The following CCDC124 variants were observed in gnomAD, a reference collection of about 807,000 sequenced individuals.
The protein encoded by CCDC124 is coiled-coil domain-containing protein 124.
A neutral mutation model predicts 19.8 loss-of-function variants in CCDC124; 9 were observed. That is an observed-to-expected ratio of 0.45 (90% CI 0.27 to 0.79). CCDC124 has a LOEUF of 0.79. Among genes scored for constraint, CCDC124 ranks in the 30% least tolerant of loss-of-function variants. The probability of loss-of-function intolerance (pLI) is 0.14; values close to 1 mark genes in which losing one functional copy is unlikely to be tolerated. For synonymous variants in CCDC124, 126 were observed against 131.3 expected, an observed-to-expected ratio of 0.96 and a Z score of 0.27; for missense variants, 285 against 319.0, an observed-to-expected ratio of 0.89 and a Z score of 0.81.
At position 17,943,530 on chromosome 19, in the gene CCDC124, C is replaced by G; in HGVS notation, c.487C>G (p.Arg163Gly). The change falls in exon 5 of 5, where the codon CGG (arginine) becomes GGG (glycine). Residue 163 changes from arginine to glycine, a missense_variant. Physicochemically the swap from Arg to Gly is moderately radical, Grantham distance 125 (BLOSUM62 -2). Coordinates refer to ENST00000445755, the MANE Select transcript of CCDC124 (RefSeq NM_001136203.2). ...CAGCGTGGCGGAGGAGGCGGCCGAC[C>G]GGCACCCAGAAAGACGCATGCGGGC... ...VLSVAEEAAD[R>G]HPERRMRAAF... 1 of 1,611,938 alleles carries G rather than the reference C, an allele frequency of 6.2e-7. No individual in the cohort carries two copies. The highest frequency in any genetic ancestry group is 8.5e-7 in the Non-Finnish European group (1 of 1,179,716).
At chr19:17,935,228 T>A (rs1398550200) in intron 1 of CCDC124, 6 of 152,054 alleles carry the variant, frequency 3.9e-5, no homozygotes, top group Non-Finnish European at 5.9e-5. Flanking sequence ...TCCATTGATA[T>A]GGACTGAAAT....
chr19:17,935,713 C>A (rs1251053039), intron 1 of CCDC124, among the ~76,000 whole-genome samples: 1 of 152,006 alleles, frequency 6.6e-6, no homozygotes, highest in Non-Finnish European at 1.5e-5. Context: ...TCCTGAGTAG[C>A]TGGGATTAAA....
At chr19:17,941,511 G>GA (rs991648717) in intron 2 of CCDC124, among the ~76,000 whole-genome samples, 239 of 125,058 alleles carry the variant, frequency 1.9e-3, no homozygotes, top group Admixed American at 3.2e-3. Context: ...GACTGTCTCA[G>GA]AAAAAAAAAA....
chr19:17,938,594 C>CT lies in CCDC124; in HGVS notation c.159+2023dup, dbSNP rs992377012. ...CATTCCCACCTGTTTTACCCGTCAT[C>CT]TTTTTTTTGTTTTTTTAAAGACGGT... On this transcript the variant is annotated intron_variant, in intron 2 of 4. Transcript: ENST00000445755. Among the ~76,000 whole-genome samples, 16 of 152,062 alleles carry CT rather than the reference C, an allele frequency of 1.1e-4. No homozygotes were observed. The East Asian group carries it at 1.2e-3, about 11-fold the overall frequency.
At chr19:17,935,621 G>T (rs751042453) in intron 1 of CCDC124, among the ~76,000 whole-genome samples, 1 of 151,914 alleles carries the variant, frequency 6.6e-6, no homozygotes, top group Non-Finnish European at 1.5e-5. Context: ...TCACTCTGCC[G>T]CCTAGGCTGG....
chr19:17,939,875 G>A (rs956143372), intron 2 of CCDC124, among the ~76,000 whole-genome samples: 3 of 150,600 alleles, frequency 2.0e-5, no homozygotes, highest in African/African-American at 4.9e-5. Flanking sequence ...CTTCCACCTC[G>A]GCCTCCCAAA....
chr19:17,942,874 A>G lies in CCDC124; in HGVS notation c.349+29A>G, dbSNP rs1268300525. On this transcript the variant is annotated intron_variant, in intron 3 of 4. Transcript: ENST00000445755. This position sits in a 1 kb window ranked among gnomAD's most constrained non-coding sequence, Gnocchi z 4.2. ...GGGCGGCATCCCGCTCTGGAGCTGCACTTTTGCCCACTGCAGAGGCAGTGG... is the reference window on the plus strand; with the variant it reads ...GGGCGGCATCCCGCTCTGGAGCTGCGCTTTTGCCCACTGCAGAGGCAGTGG... 2.0e-6 allele frequency: 3 copies of G among 1,474,872 alleles called. No homozygotes were observed. The highest frequency in any genetic ancestry group is 2.7e-6 in the Non-Finnish European group (3 of 1,113,900). The allele number at this position is 1,474,872 out of a possible 1,614,324, so 91.4% of individuals were successfully genotyped here. A position where few individuals can be genotyped will look rare whatever the true frequency, so the allele number is the denominator to read the frequency against.
At position 17,942,903 on chromosome 19, in the gene CCDC124, T is replaced by G; in HGVS notation, c.349+58T>G. On this transcript the variant is annotated intron_variant, in intron 3 of 4. Transcript: ENST00000445755. This position sits in a 1 kb window ranked among gnomAD's most constrained non-coding sequence, Gnocchi z 4.2. ...TTGCCCACTGCAGAGGCAGTGGACC[T>G]TGAGTCCATTAGCCCCCTCCTGGCC... is the stretch of plus-strand genomic sequence containing the variant. 1 of 1,447,422 alleles carries G rather than the reference T, an allele frequency of 6.9e-7. No individual in the cohort carries two copies. Among genetic ancestry groups the G allele is most frequent in the African/African-American group, 1.4e-5 (1 of 69,712 alleles). The allele number at this position is 1,447,422 out of a possible 1,614,324, so 89.7% of individuals were successfully genotyped here. A position where few individuals can be genotyped will look rare whatever the true frequency, so the allele number is the denominator to read the frequency against.
intron 1 of CCDC124, among the ~76,000 whole-genome samples, chr19:17,933,253 A>C (rs761756493): frequency 6.6e-6 from 1 of 152,178 alleles, no homozygotes; most frequent in African/African-American, 2.4e-5. Flanking sequence ...ACGCGACAGC[A>C]TGTTCGAGGC....
intron 2 of CCDC124, among the ~76,000 whole-genome samples, chr19:17,941,064 A>C (rs1196272171): frequency 6.6e-6 from 1 of 151,774 alleles, no homozygotes. Context: ...CAAACGAACG[A>C]AAAAAACACA....
chr19:17,934,572 G>A (rs983212316), intron 1 of CCDC124, among the ~76,000 whole-genome samples: 16 of 150,040 alleles, frequency 1.1e-4, no homozygotes, highest in East Asian at 3.9e-4. Flanking sequence ...GATCACTTGA[G>A]CCCAGGAGTT....
rs1019967325 is a variant in CCDC124, at chr19:17,943,219, T to C, written c.350-42T>C. 2.8e-6 allele frequency: 4 copies of C among 1,436,024 alleles called. No individual in the cohort carries two copies. In the African/African-American group the frequency reaches 4.2e-5, roughly 15 times the overall value. The allele number at this position is 1,436,024 out of a possible 1,614,324, so 89.0% of individuals were successfully genotyped here. On this transcript the variant is annotated intron_variant, in intron 3 of 4. Coordinates refer to ENST00000445755, the MANE Select transcript of CCDC124 (RefSeq NM_001136203.2). ...TCATCTCCTTGGAACTGTGCATCTT[T>C]GCTTATCTCTCTCTGTCTCTGTCAC...
At position 17,938,752 on chromosome 19, in the gene CCDC124, C is replaced by T. The variant is rs140766163; in HGVS notation, c.159+2173C>T. On this transcript the variant is annotated intron_variant, in intron 2 of 4. Coordinates refer to ENST00000445755, the MANE Select transcript of CCDC124 (RefSeq NM_001136203.2). ...GACTATAGGCGTGCACCACCACGCC[C>T]AGCTATTGTTTGTATTTTGTGTAGG... is the stretch of plus-strand genomic sequence containing the variant. 2.0e-3 allele frequency among the ~76,000 whole-genome samples: 298 copies of T among 152,084 alleles called. 1 individual carries two copies. Among genetic ancestry groups the T allele is most frequent in the Admixed American group, 5.1e-3 (78 of 15,260 alleles).
At chr19:17,934,461 A>G (rs959338927) in intron 1 of CCDC124, among the ~76,000 whole-genome samples, 2 of 151,972 alleles carry the variant, frequency 1.3e-5, no homozygotes, top group Non-Finnish European at 2.9e-5. Context: ...AATGTGGCGT[A>G]TCCATGCAGT....
At chr19:17,936,716 C>G in intron 2 of CCDC124, 137 bp downstream of exon 2, 1 of 1,071,604 alleles carries the variant, frequency 9.3e-7, no homozygotes, top group Non-Finnish European at 1.3e-6. Flanking sequence ...CGCTGTCGCT[C>G]ACGCCTGTCA....
rs781282852 is a variant in CCDC124 at position 17,936,567 on chromosome 19, G to A, written c.147G>A (p.Lys49=). 2.5e-6 allele frequency: 4 copies of A among 1,612,940 alleles called. No homozygotes were observed. Among genetic ancestry groups the A allele is most frequent in the East Asian group, 4.5e-5 (2 of 44,844 alleles). ...WKDDDKHVMR[K]EQRKEEKEKR... The stretch of plus-strand genomic sequence containing the variant: ...ACGACGACAAACACGTCATGAGGAA[G>A]GAGCAGCGCAAGGTGCGTGCACTCC... Residue 49 remains lysine (K), a synonymous_variant, in exon 2 of 5, where the codon AAG becomes AAA. Coordinates refer to ENST00000445755, the MANE Select transcript of CCDC124 (RefSeq NM_001136203.2).
chr19:17,943,056 C>T (rs1409957982), intron 3 of CCDC124, among the ~76,000 whole-genome samples: 1 of 152,076 alleles, frequency 6.6e-6, no homozygotes, highest in Non-Finnish European at 1.5e-5. Flanking sequence ...GCAGGGCTGC[C>T]GGAAAGTAAG....
Position 17,938,685 on chromosome 19 carries a change from G to A in CCDC124, c.159+2106G>A, listed in dbSNP as rs1001793598. ...CAGCTCAATGCAGTCTTGACTTCCC[G>A]AACTCAAGCAAGCCTCCTGCCTCAG... On this transcript the variant is annotated intron_variant, in intron 2 of 4. Coordinates refer to ENST00000445755, the MANE Select transcript of CCDC124 (RefSeq NM_001136203.2). Among the ~76,000 whole-genome samples the A allele has an allele frequency of 9.9e-5, 15 of 152,144 alleles. 1 individual carries two copies. The South Asian group carries it at 1.7e-3, about 17-fold the overall frequency.
chr19:17,943,714 G>T lies in CCDC124; in HGVS notation c.671G>T (p.Ter224LeuextTer60). ...QRAVPFNAPK* is the reference protein window; with the variant it reads ...QRAVPFNAPKL Reference sequence around the variant, plus strand: ...GCCGTGCCCTTCAATGCCCCCAAGTGAGCCCAGAACTTGGGGAGCCAGTTC... The same window carrying T: ...GCCGTGCCCTTCAATGCCCCCAAGTTAGCCCAGAACTTGGGGAGCCAGTTC... The change falls in exon 5 of 5, where the codon TGA (stop) becomes TTA (leucine). Residue 224 changes from the stop codon to leucine, a stop_lost. Transcript: ENST00000445755. 1.2e-6 allele frequency: 2 copies of T among 1,612,204 alleles called. No homozygotes were observed. The highest frequency in any genetic ancestry group is 1.7e-6 in the Non-Finnish European group (2 of 1,179,572).
Sources: allele counts gnomAD v4.1 joint callset (sites outside exome capture counted in the v4.1 genomes callset), GRCh38; gene constraint gnomAD v4.1.1; non-coding constraint Gnocchi (gnomAD v3.1); transcripts MANE v1.5; gene names NCBI Gene and HGNC (gene_info 2026-07-23, HGNC 2026-07-21).